Variants in SYNE1 observed in about 807,000 individuals in gnomAD.
The protein encoded by SYNE1 is nesprin-1.
SYNE1 carries 616 observed loss-of-function variants against 1,111.0 expected under a neutral mutation model. The observed-to-expected ratio is 0.55, with a 90% CI of 0.52 to 0.59. The LOEUF (loss-of-function observed/expected upper bound fraction) is 0.59. Among genes scored for constraint, SYNE1 ranks in the 20% least tolerant of loss-of-function variants. The pLI, the probability that SYNE1 is intolerant of heterozygous loss-of-function variation, is 0.00. For missense variants in SYNE1, 10,006 were observed against 10,417.0 expected, an observed-to-expected ratio of 0.96 and a Z score of 1.72; for synonymous variants, 3,855 against 3,825.8, an observed-to-expected ratio of 1.01 and a Z score of -0.28.
intron 78 of SYNE1, among the ~76,000 whole-genome samples, chr6:152,327,960 T>A (rs2096123789): frequency 2.1e-5 from 2 of 97,010 alleles, no homozygotes; most frequent in South Asian, 3.3e-4. Flanking sequence ...AAGTCAGAAT[T>A]TTAAGAAGTT....
chr6:152,238,626 G>A (rs950492153), intron 108 of SYNE1, among the ~76,000 whole-genome samples: 4 of 152,236 alleles, frequency 2.6e-5, no homozygotes, highest in African/African-American at 9.6e-5. Context: ...ACCCAGTTAA[G>A]ATCAGTAATA....
rs1417590001 is a variant in SYNE1, at chr6:152,323,666, C to A, written c.15729G>T (p.Ser5243=). The A allele has an allele frequency of 6.2e-7, 1 of 1,614,200 alleles. No homozygotes were observed. Among genetic ancestry groups the A allele is most frequent in the Admixed American group, 1.7e-5 (1 of 60,030 alleles). Residue 5243 remains serine, a synonymous_variant, in exon 82 of 146, where the codon TCG becomes TCT. Transcript: ENST00000367255. ...CAAGAAGAGTTAAGAGCTCTGCTTT[C>A]GATGCTTTCTCTGCTGAACTTCCAG... is the stretch of plus-strand genomic sequence containing the variant. ...KLPGSSAEKA[S]KAELLTLLEY... is the part of the protein sequence containing the mutation.
intron 64 of SYNE1, among the ~76,000 whole-genome samples, chr6:152,361,659 G>T (rs114344963): frequency 0.012 from 1,831 of 152,242 alleles, 39 homozygotes; most frequent in African/African-American, 0.042. Flanking sequence ...GCTGACCGAT[G>T]ATCATGCCCT....
chr6:152,289,546 A>ATGCCCAGCTAATTT (rs1329358438), intron 95 of SYNE1, among the ~76,000 whole-genome samples: 1 of 152,200 alleles, frequency 6.6e-6, no homozygotes, highest in Non-Finnish European at 1.5e-5. Flanking sequence ...GTGCACCACC[A>ATGCCCAGCTAATTT]TGCCCAGCTA....
Position 152,149,553 on chromosome 6 carries a change from A to T in SYNE1, c.24566T>A (p.Leu8189Gln), listed in dbSNP as rs201193141. 6.2e-7 allele frequency: 1 copy of T among 1,614,182 alleles called. No individual in the cohort carries two copies. The highest frequency in any genetic ancestry group is 1.7e-5 in the Admixed American group (1 of 60,022). Residue 8189 changes from leucine to glutamine, a missense_variant, in exon 136 of 146, where the codon CTA becomes CAA. By Grantham distance (113) the Leu-to-Gln change is moderately radical (BLOSUM62 -2). Transcript: ENST00000367255. The part of the protein sequence containing the change: ...PLDAAIIEEE[L>Q]DELRRYCQEV... ...CTGGCAGTACCGTCGGAGCTCATCT[A>T]GTTCCTCCTCGATGATCGCTGCATC...
At chr6:152,499,212 G>A (rs756320639) in intron 10 of SYNE1, among the ~76,000 whole-genome samples, 6 of 152,070 alleles carry the variant, frequency 3.9e-5, no homozygotes, top group African/African-American at 1.4e-4. Flanking sequence ...AGGAATGTTT[G>A]TTGCAATGGA....
chr6:152,313,645 T>C (rs2095622422), intron 87 of SYNE1, among the ~76,000 whole-genome samples: 1 of 152,042 alleles, frequency 6.6e-6, no homozygotes, highest in Non-Finnish European at 1.5e-5. Flanking sequence ...GTATTTTTAG[T>C]AGAGAATGGG....
chr6:152,609,719 A>G (rs2099625932), intron 3 of SYNE1, among the ~76,000 whole-genome samples: 1 of 152,214 alleles, frequency 6.6e-6, no homozygotes, highest in South Asian at 2.1e-4. Flanking sequence ...ACCTCCCAGT[A>G]GGGGCCAACA....
chr6:152,278,725 T>G (rs1370515910), intron 97 of SYNE1, among the ~76,000 whole-genome samples: 1 of 152,020 alleles, frequency 6.6e-6, no homozygotes, highest in Non-Finnish European at 1.5e-5. Flanking sequence ...CCTCCCAAAG[T>G]GCTGGGATTA....
chr6:152,205,161 C>A (rs1298730050), intron 126 of SYNE1, among the ~76,000 whole-genome samples: 3 of 150,316 alleles, frequency 2.0e-5, no homozygotes, highest in Non-Finnish European at 3.0e-5. Context: ...AAAAAAAAAG[C>A]AAAATCTTTT....
chr6:152,583,587 G>C (rs2128445585), intron 3 of SYNE1, among the ~76,000 whole-genome samples: 1 of 152,290 alleles, frequency 6.6e-6, no homozygotes, highest in Non-Finnish European at 1.5e-5. Context: ...TACTTCCAGA[G>C]ACTGGTAAAA....
intron 138 of SYNE1, 112 bp downstream of exon 138, chr6:152,143,511 G>A: frequency 1.3e-6 from 2 of 1,485,392 alleles, no homozygotes; most frequent in South Asian, 1.1e-5. Flanking sequence ...CGAGTTCAAG[G>A]GCAGCATGGT....
intron 3 of SYNE1, among the ~76,000 whole-genome samples, chr6:152,602,108 A>G (rs552269969): frequency 6.6e-6 from 1 of 152,156 alleles, no homozygotes; most frequent in South Asian, 2.1e-4. Context: ...CAGCTTGAGA[A>G]AGACTTGGAT....
intron 3 of SYNE1, among the ~76,000 whole-genome samples, chr6:152,543,486 A>T (rs1449134136): frequency 6.6e-6 from 1 of 152,218 alleles, no homozygotes; most frequent in African/African-American, 2.4e-5. Flanking sequence ...TAAAATGTTC[A>T]ATTTGTGGAA....
Position 152,347,053 on chromosome 6 carries a change from A to G in SYNE1, c.12078+6T>C. 6.2e-7 allele frequency: 1 copy of G among 1,614,004 alleles called. No individual in the cohort carries two copies. Among genetic ancestry groups the G allele is most frequent in the Non-Finnish European group, 8.5e-7 (1 of 1,180,004 alleles). On this transcript the variant is annotated splice_donor_region_variant and intron_variant, in intron 73 of 145. Transcript: ENST00000367255. ...TGTCACTGTGGAATGTTCTGGGGGC[A>G]CTCACCCTCTGAGCTGTGCTGCAGA...
chr6:152,598,892 G>T (rs894354095), intron 3 of SYNE1, among the ~76,000 whole-genome samples: 5 of 152,152 alleles, frequency 3.3e-5, no homozygotes, highest in Non-Finnish European at 7.3e-5. Flanking sequence ...TGTTAATCCA[G>T]ATGTTTTGCT....
chr6:152,189,608 A>G (rs2071601335), intron 127 of SYNE1, among the ~76,000 whole-genome samples: 1 of 152,200 alleles, frequency 6.6e-6, no homozygotes. Context: ...CAATAAAGTG[A>G]GTCACAAATT....
At chr6:152,209,132 A>G (rs1445796777) in intron 124 of SYNE1, among the ~76,000 whole-genome samples, 1 of 152,204 alleles carries the variant, frequency 6.6e-6, no homozygotes, top group South Asian at 2.1e-4. Flanking sequence ...GCACTTTAAT[A>G]CTAAACACTT....
Position 152,176,491 on chromosome 6 carries a change from C to CA in SYNE1, c.23529dup (p.Ala7844CysfsTer2), listed in dbSNP as rs1443847571. On this transcript the variant is annotated frameshift_variant, in exon 130 of 146. Coordinates refer to ENST00000367255, the MANE Select transcript of SYNE1 (RefSeq NM_182961.4). LOFTEE classifies it high-confidence loss of function. Reference sequence around the variant, plus strand: ...GCTTTGCTTTCATGGCTGGCTTTAGCAAGTCGTTCTCCCATTTGTTGGAGC... The same window carrying CA: ...GCTTTGCTTTCATGGCTGGCTTTAGCAAAGTCGTTCTCCCATTTGTTGGAGC... The CA allele has an allele frequency of 6.2e-7, 1 of 1,614,144 alleles. No homozygotes were observed. The highest frequency in any genetic ancestry group is 1.7e-5 in the Admixed American group (1 of 60,016).
Sources: gnomAD v4.1 joint callset for allele counts (sites outside exome capture counted in the v4.1 genomes callset) on GRCh38, gnomAD v4.1.1 for gene constraint, MANE v1.5 for transcripts, NCBI Gene and HGNC (gene_info 2026-07-23, HGNC 2026-07-21) for gene names.